NRXN3: variants seen among roughly 807,000 people sequenced by gnomAD.
NRXN3 encodes neurexin III.
NRXN3 carries 32 observed loss-of-function variants against 137.6 expected under a neutral mutation model. The ratio of observed to expected loss-of-function variants is 0.23; its 90% CI spans 0.18 to 0.31. NRXN3 has a LOEUF of 0.31. NRXN3 is among the 10% of genes least tolerant of loss of function. The pLI, the probability that NRXN3 is intolerant of heterozygous loss-of-function variation, is 1.00. For missense variants in NRXN3, 1,574 were observed against 2,062.5 expected (o/e 0.76, Z 4.59); for synonymous variants, 798 against 784.5 (o/e 1.02, Z -0.29).
At position 79,504,639 on chromosome 14, in the gene NRXN3, T is replaced by TATATATATATATATATATATATATA. The variant is rs60009832; in HGVS notation, c.3444+37237_3444+37238insATATATATATATATATATATATATA. On this transcript the variant is annotated intron_variant, in intron 16 of 20. Coordinates refer to ENST00000335750, the MANE Select transcript of NRXN3 (RefSeq NM_001330195.2). ...TAAACTTCCATTATAAAATGAAGTTTTTTATATATATATATGTATATATAT... is the reference window on the plus strand; with the variant it reads ...TAAACTTCCATTATAAAATGAAGTTTATATATATATATATATATATATATATTTATATATATATATGTATATATAT... 2.2e-4 allele frequency among the ~76,000 whole-genome samples: 21 copies of TATATATATATATATATATATATATA among 93,400 alleles called. 1 individual carries two copies. The highest frequency in any genetic ancestry group is 7.5e-4 in the South Asian group (2 of 2,662). The allele number at this position is 93,400 out of a possible 152,430, so 61.3% of individuals were successfully genotyped here.
At chr14:79,241,178 G>T (rs532218980) in intron 15 of NRXN3, among the ~76,000 whole-genome samples, 1 of 152,098 alleles carries the variant, frequency 6.6e-6, no homozygotes, top group African/African-American at 2.4e-5. Flanking sequence ...CTCTGAGATA[G>T]GACAAGATGA....
At position 79,750,896 on chromosome 14, in the gene NRXN3, T is replaced by G. The variant is rs953178750; in HGVS notation, c.4014+52959T>G. Among the ~76,000 whole-genome samples, 12 of 152,154 alleles carry G rather than the reference T, an allele frequency of 7.9e-5. No individual in the cohort carries two copies. In the South Asian group the frequency reaches 1.4e-3, roughly 18 times the overall value. On this transcript the variant is annotated intron_variant, in intron 19 of 20. Coordinates refer to ENST00000335750, the MANE Select transcript of NRXN3 (RefSeq NM_001330195.2). Reference sequence around the variant, plus strand: ...TTAGATAGGACAGCTAATCTCTTGCTTCTAGAGAAAGGTATGAAAATATAC... The same window carrying G: ...TTAGATAGGACAGCTAATCTCTTGCGTCTAGAGAAAGGTATGAAAATATAC...
At chr14:78,989,439 C>T (rs954250004) in intron 15 of NRXN3, among the ~76,000 whole-genome samples, 5 of 152,036 alleles carry the variant, frequency 3.3e-5, no homozygotes, top group African/African-American at 1.2e-4. Flanking sequence ...GAGAAGTTGG[C>T]AATATAGAGA....
At chr14:78,264,904 T>A (rs149923399) in intron 2 of NRXN3, among the ~76,000 whole-genome samples, 24 of 152,294 alleles carry the variant, frequency 1.6e-4, no homozygotes, top group African/African-American at 5.5e-4. Flanking sequence ...GTTGTCTTGA[T>A]GGTTGAAGGC....
Position 78,967,272 on chromosome 14 carries a change from C to T in NRXN3, c.2842C>T (p.Pro948Ser). 6.2e-7 allele frequency: 1 copy of T among 1,613,924 alleles called. No homozygotes were observed. Among genetic ancestry groups the T allele is most frequent in the Non-Finnish European group, 8.5e-7 (1 of 1,179,988 alleles). ...PNVIKGNSDRPLNDNQWHNVV... is the reference protein window; with the variant it reads ...PNVIKGNSDRSLNDNQWHNVV... ...TGTGATCAAAGGCAACAGTGACCGC[C>T]CCCTGAATGACAACCAGTGGCACAA... Residue 948 changes from proline to serine, a missense_variant, in exon 13 of 21, where the codon CCC (proline) becomes TCC (serine). Physicochemically the swap from Pro to Ser is moderately conservative, Grantham distance 74. This residue lies in a region of NRXN3 where 718 missense variants were observed against 887.6 expected (regional missense o/e 0.81). Coordinates refer to ENST00000335750, the MANE Select transcript of NRXN3 (RefSeq NM_001330195.2).
intron 15 of NRXN3, among the ~76,000 whole-genome samples, chr14:79,292,437 G>C (rs1598373243): frequency 6.6e-6 from 1 of 152,102 alleles, no homozygotes; most frequent in African/African-American, 2.4e-5. Flanking sequence ...CCCAACTTAT[G>C]ATTTTAGGCA....
At chr14:78,540,742 G>A (rs2096581980) in intron 4 of NRXN3, among the ~76,000 whole-genome samples, 1 of 152,086 alleles carries the variant, frequency 6.6e-6, no homozygotes, top group Non-Finnish European at 1.5e-5. Flanking sequence ...GCATGTTTTT[G>A]CAGTGGCTGG....
intron 10 of NRXN3, among the ~76,000 whole-genome samples, chr14:78,830,837 C>G (rs1596308609): frequency 6.6e-6 from 1 of 152,142 alleles, no homozygotes; most frequent in South Asian, 2.1e-4. Context: ...CAAGAGTTTC[C>G]ATTTTATATG....
chr14:78,608,798 C>T (rs7149289), intron 4 of NRXN3, among the ~76,000 whole-genome samples: 28,283 of 152,102 alleles, frequency 0.19, 2,827 homozygotes, highest in South Asian at 0.24. Flanking sequence ...AGTGCTACCC[C>T]TGGGGCAGAG....
At chr14:79,173,211 A>G (rs771399480) in intron 15 of NRXN3, among the ~76,000 whole-genome samples, 2 of 152,194 alleles carry the variant, frequency 1.3e-5, no homozygotes, top group African/African-American at 2.4e-5. Flanking sequence ...TCTTAAGAGA[A>G]AAAAGGTCAA....
In NRXN3 at chr14:78,434,060, T is replaced by C. The variant is rs149806761; in HGVS notation, c.757+136200T>C. 3.1e-3 allele frequency among the ~76,000 whole-genome samples: 465 copies of C among 152,310 alleles called. 8 individuals carry two copies. The highest frequency in any genetic ancestry group is 0.011 in the African/African-American group (446 of 41,574). ...TCAGAACCCTTATGTTACCTTACAA[T>C]TGGGCAAAATCATAAGGCAAATCCT... On this transcript the variant is annotated intron_variant, in intron 4 of 20. Coordinates refer to ENST00000335750, the MANE Select transcript of NRXN3 (RefSeq NM_001330195.2).
At chr14:78,861,720 G>A (rs374895485) in intron 10 of NRXN3, among the ~76,000 whole-genome samples, 1 of 152,216 alleles carries the variant, frequency 6.6e-6, no homozygotes, top group South Asian at 2.1e-4. Flanking sequence ...TGTATGTTTA[G>A]TCTGTAATAA....
rs537932221 is a variant in NRXN3 at position 78,693,062 on chromosome 14, A to C, written c.1222-16155A>C. On this transcript the variant is annotated intron_variant, in intron 6 of 20. Coordinates refer to ENST00000335750, the MANE Select transcript of NRXN3 (RefSeq NM_001330195.2). ...CATGCCACTGCATTCCAGCCCAGGC[A>C]ACAGAGCGAGACTCCATCTCAAAAA... 6.8e-4 allele frequency among the ~76,000 whole-genome samples: 104 copies of C among 152,134 alleles called. 2 individuals are homozygous for C. Among genetic ancestry groups the C allele is most frequent in the African/African-American group, 2.4e-3 (101 of 41,480 alleles).
chr14:79,098,996 A>G (rs774046265), intron 15 of NRXN3, among the ~76,000 whole-genome samples: 1 of 152,140 alleles, frequency 6.6e-6, no homozygotes, highest in Non-Finnish European at 1.5e-5. Context: ...AGGAAAATTG[A>G]ATTTCCATGA....
intron 15 of NRXN3, chr14:79,072,528 G>A (rs1202441373): frequency 6.6e-6 from 1 of 152,090 alleles, no homozygotes; most frequent in Non-Finnish European, 1.5e-5. Flanking sequence ...TAATACTATG[G>A]TATAGCATAA....
chr14:78,180,099 C>T (rs994584780), intron 1 of NRXN3, among the ~76,000 whole-genome samples: 10 of 152,074 alleles, frequency 6.6e-5, no homozygotes, highest in East Asian at 3.9e-4. Context: ...CCACCTACCT[C>T]GGCCTCCCAA....
intron 4 of NRXN3, among the ~76,000 whole-genome samples, chr14:78,580,865 C>T (rs2096987252): frequency 6.6e-6 from 1 of 152,204 alleles, no homozygotes; most frequent in South Asian, 2.1e-4. Context: ...ATGGAGTTAC[C>T]TGATCTGGAT....
intron 10 of NRXN3, among the ~76,000 whole-genome samples, chr14:78,876,040 A>G (rs1443626567): frequency 6.6e-6 from 1 of 152,180 alleles, no homozygotes; most frequent in Non-Finnish European, 1.5e-5. Context: ...TCAGCCCAGC[A>G]GTCTTTTCAT....
chr14:78,423,573 G>A (rs752814843), intron 4 of NRXN3, among the ~76,000 whole-genome samples: 1 of 152,112 alleles, frequency 6.6e-6, no homozygotes, highest in Non-Finnish European at 1.5e-5. Context: ...AGGTGGAGTG[G>A]GGAGACAGAA....
Sources: allele counts gnomAD v4.1 joint callset (sites outside exome capture counted in the v4.1 genomes callset), GRCh38; gene constraint gnomAD v4.1.1; regional missense constraint gnomAD v4.1.1; transcripts MANE v1.5; gene names NCBI Gene and HGNC (gene_info 2026-07-23, HGNC 2026-07-21).